Variants in STX8 observed in about 807,000 individuals in gnomAD.
STX8 encodes the protein syntaxin 8.
Under a neutral mutation model 37.5 loss-of-function variants are expected in STX8, and 23 were observed. The observed-to-expected ratio is 0.61, with a 90% CI of 0.44 to 0.87. The LOEUF is 0.87. Among genes scored for constraint, STX8 ranks in the 40% least tolerant of loss-of-function variants. The pLI is 0.00. For synonymous variants in STX8, 115 were observed against 99.1 expected (o/e 1.16, Z -0.95); for missense variants, 313 against 284.7 (o/e 1.10, Z -0.71).
Position 9,460,518 on chromosome 17 carries a change from T to A in STX8, c.541+31311A>T, listed in dbSNP as rs79090339. 2.5e-3 allele frequency among the ~76,000 whole-genome samples: 381 copies of A among 151,646 alleles called. 2 individuals carry two copies. The highest frequency in any genetic ancestry group is 8.7e-3 in the African/African-American group (360 of 41,402). On this transcript the variant is annotated intron_variant, in intron 6 of 7. Coordinates refer to ENST00000306357, the MANE Select transcript of STX8 (RefSeq NM_004853.3). ...CAAAACCCCATCTCTACTAAAAGTATAAAAATTAGCTGGGCCTGGTGGTGG... is the reference window on the plus strand; with the variant it reads ...CAAAACCCCATCTCTACTAAAAGTAAAAAAATTAGCTGGGCCTGGTGGTGG...
At chr17:9,511,781 A>G (rs1905025042) in intron 4 of STX8, among the ~76,000 whole-genome samples, 1 of 152,186 alleles carries the variant, frequency 6.6e-6, no homozygotes, top group African/African-American at 2.4e-5. Flanking sequence ...TAAAATTGGA[A>G]AGGAGAAAGT....
At chr17:9,482,411 T>C (rs1272907582) in intron 6 of STX8, among the ~76,000 whole-genome samples, 1 of 152,084 alleles carries the variant, frequency 6.6e-6, no homozygotes, top group Non-Finnish European at 1.5e-5. Flanking sequence ...ATACAAGATC[T>C]TTCTCTGTAT....
chr17:9,510,505 A>G (rs1904989857), intron 4 of STX8, among the ~76,000 whole-genome samples: 1 of 152,134 alleles, frequency 6.6e-6, no homozygotes, highest in Non-Finnish European at 1.5e-5. Context: ...ATTAAACAAC[A>G]TGCTCTTGAA....
At position 9,477,858 on chromosome 17, in the gene STX8, TGG is replaced by T. The variant is rs541507099; in HGVS notation, c.541+13969_541+13970del. ...GTGGCCTGAGTATCCCATTCTTGGGTGGGGAAGGGGGAAATTTTCCCATAAAG... is the reference window on the plus strand; with the variant it reads ...GTGGCCTGAGTATCCCATTCTTGGGTGGAAGGGGGAAATTTTCCCATAAAG... On this transcript the variant is annotated intron_variant, in intron 6 of 7. Transcript: ENST00000306357. Among the ~76,000 whole-genome samples the T allele has an allele frequency of 2.5e-3, 385 of 152,190 alleles. 1 individual carries two copies. The highest frequency in any genetic ancestry group is 8.9e-3 in the African/African-American group (368 of 41,536).
chr17:9,528,459 G>A (rs531932825), intron 4 of STX8, among the ~76,000 whole-genome samples: 16 of 152,226 alleles, frequency 1.1e-4, no homozygotes, highest in East Asian at 7.7e-4. Context: ...CACCATGCCC[G>A]GCTAATTTTT....
intron 7 of STX8, among the ~76,000 whole-genome samples, chr17:9,293,862 C>T (rs1908411415): frequency 1.3e-5 from 2 of 151,784 alleles, no homozygotes; most frequent in African/African-American, 2.4e-5. Context: ...CCCGGGTTCA[C>T]GCCATTCTGC....
intron 6 of STX8, among the ~76,000 whole-genome samples, chr17:9,460,165 G>C (rs1421772241): frequency 6.6e-6 from 1 of 152,170 alleles, no homozygotes; most frequent in Non-Finnish European, 1.5e-5. Context: ...TAAAGGAGAT[G>C]AAGGGGCTTC....
chr17:9,447,714 C>T (rs547244372), intron 6 of STX8, among the ~76,000 whole-genome samples: 12 of 152,206 alleles, frequency 7.9e-5, no homozygotes, highest in Admixed American at 7.2e-4. Flanking sequence ...TGAGCCACCA[C>T]ACCCGGCCTT....
At chr17:9,295,388 G>A (rs1432479244) in intron 7 of STX8, among the ~76,000 whole-genome samples, 2 of 152,176 alleles carry the variant, frequency 1.3e-5, no homozygotes, top group African/African-American at 4.8e-5. Flanking sequence ...GCATGTAGCA[G>A]ACATTCAATA....
chr17:9,420,318 C>A (rs1163155787), intron 6 of STX8, among the ~76,000 whole-genome samples: 1 of 152,202 alleles, frequency 6.6e-6, no homozygotes, highest in East Asian at 1.9e-4. Context: ...CCACAGCCAC[C>A]TCCCTTTTTC....
At chr17:9,412,049 A>C (rs1912998436) in intron 6 of STX8, among the ~76,000 whole-genome samples, 1 of 152,142 alleles carries the variant, frequency 6.6e-6, no homozygotes, top group Admixed American at 6.5e-5. Context: ...TATTCAATTA[A>C]ATATTAAAGT....
At chr17:9,494,305 G>T (rs757174073) in intron 5 of STX8, among the ~76,000 whole-genome samples, 31 of 148,604 alleles carry the variant, frequency 2.1e-4, no homozygotes, top group Non-Finnish European at 4.0e-4. Context: ...GTGAGCCACC[G>T]CCCCCGGCCC....
intron 4 of STX8, among the ~76,000 whole-genome samples, chr17:9,516,722 T>A (rs1400737893): frequency 6.6e-6 from 1 of 152,098 alleles, no homozygotes; most frequent in Non-Finnish European, 1.5e-5. Context: ...ATACGAAAAA[T>A]AATATGAAAA....
In STX8 at chr17:9,401,177, C is replaced by G. The variant is rs75718914; in HGVS notation, c.542-22524G>C. ...TAATTTCAAATTCTTATAGTTAGAA[C>G]AAAGTATTTAAATCTAAAAATAATT... On this transcript the variant is annotated intron_variant, in intron 6 of 7. Transcript: ENST00000306357. 5.6e-3 allele frequency among the ~76,000 whole-genome samples: 851 copies of G among 152,234 alleles called. 11 individuals carry two copies. Among genetic ancestry groups the G allele is most frequent in the African/African-American group, 0.019 (807 of 41,536 alleles).
intron 7 of STX8, among the ~76,000 whole-genome samples, chr17:9,374,456 T>C (rs891534880): frequency 6.6e-6 from 1 of 152,164 alleles, no homozygotes; most frequent in Non-Finnish European, 1.5e-5. Context: ...TTCCACAATA[T>C]GCTTTGTGTT....
intron 7 of STX8, among the ~76,000 whole-genome samples, chr17:9,300,239 G>A (rs1046305572): frequency 6.7e-6 from 1 of 149,268 alleles, no homozygotes; most frequent in Non-Finnish European, 1.5e-5. Flanking sequence ...GCTGAGGCAG[G>A]AGAATCACTT....
chr17:9,250,912 A>T (rs188668736), intron 7 of STX8, among the ~76,000 whole-genome samples: 132 of 152,086 alleles, frequency 8.7e-4, no homozygotes, highest in African/African-American at 2.8e-3. Context: ...GAGGCCCCTA[A>T]CTCTAGCATC....
chr17:9,280,372 C>T (rs1463595218), intron 7 of STX8, among the ~76,000 whole-genome samples: 2 of 152,306 alleles, frequency 1.3e-5, no homozygotes, highest in African/African-American at 2.4e-5. Flanking sequence ...TGACTGACAT[C>T]GTCAAACCCC....
chr17:9,300,216 A>G (rs1262183876), intron 7 of STX8, among the ~76,000 whole-genome samples: 2 of 151,966 alleles, frequency 1.3e-5, no homozygotes, highest in African/African-American at 2.4e-5. Context: ...CTGTAATCCC[A>G]GCTACTTGGG....
Sources: allele counts gnomAD v4.1 joint callset (sites outside exome capture counted in the v4.1 genomes callset), GRCh38; gene constraint gnomAD v4.1.1; transcripts MANE v1.5; gene names NCBI Gene and HGNC (gene_info 2026-07-23, HGNC 2026-07-21).